MLLT10: variants seen among roughly 807,000 people sequenced by gnomAD.
The protein encoded by MLLT10 is protein AF-10.
Under a neutral mutation model 129.1 loss-of-function variants are expected in MLLT10, and 30 were observed. The ratio of observed to expected loss-of-function variants is 0.23; its 90% CI spans 0.17 to 0.32. The LOEUF is 0.32. Ranked by LOEUF, MLLT10 falls within the 10% of genes least tolerant of loss-of-function variation. The probability of loss-of-function intolerance (pLI) is 1.00; values close to 1 mark genes in which losing one functional copy is unlikely to be tolerated. For synonymous variants in MLLT10, 490 were observed against 446.4 expected, an observed-to-expected ratio of 1.10 and a Z score of -1.23; for missense variants, 1,119 against 1,268.3, an observed-to-expected ratio of 0.88 and a Z score of 1.79.
At chr10:21,595,695 C>T in intron 5 of MLLT10, 1 of 329,000 alleles carries the variant, frequency 3.0e-6, no homozygotes, top group Non-Finnish European at 5.5e-6. Context: ...ATATTTTAAT[C>T]CTTACAGATT....
chr10:21,617,586 A>C (rs1384406549), intron 8 of MLLT10, among the ~76,000 whole-genome samples: 1 of 151,878 alleles, frequency 6.6e-6, no homozygotes, highest in Admixed American at 6.6e-5. Context: ...ACAATTTTGA[A>C]GTTCTATATA....
intron 3 of MLLT10, among the ~76,000 whole-genome samples, chr10:21,567,051 G>T (rs138866596): frequency 6.6e-6 from 1 of 152,126 alleles, no homozygotes; most frequent in Admixed American, 6.5e-5. Flanking sequence ...GACTTGAGGT[G>T]ATCCACCCAC....
At chr10:21,643,944 A>G (rs2048249942) in intron 8 of MLLT10, among the ~76,000 whole-genome samples, 1 of 152,110 alleles carries the variant, frequency 6.6e-6, no homozygotes, top group African/African-American at 2.4e-5. Context: ...ATCTTTTTTA[A>G]AATTTGCATT....
intron 4 of MLLT10, among the ~76,000 whole-genome samples, chr10:21,589,701 A>C (rs971085699): frequency 2.0e-5 from 3 of 152,108 alleles, no homozygotes; most frequent in Admixed American, 1.3e-4. Flanking sequence ...TTCTTTAAGA[A>C]TTATAGTGGT....
At chr10:21,646,540 C>G (rs1224370046) in intron 8 of MLLT10, among the ~76,000 whole-genome samples, 1 of 150,754 alleles carries the variant, frequency 6.6e-6, no homozygotes, top group Non-Finnish European at 1.5e-5. Flanking sequence ...CTACCTTGTG[C>G]TTGTTTAAGC....
chr10:21,737,244 GA>G (rs1402369406), intron 21 of MLLT10, among the ~76,000 whole-genome samples: 1 of 152,126 alleles, frequency 6.6e-6, no homozygotes, highest in African/African-American at 2.4e-5. Flanking sequence ...TGGGTGTGAT[GA>G]AAGTAAAAAC....
chr10:21,678,650 A>G (rs1449670130), intron 11 of MLLT10, among the ~76,000 whole-genome samples: 1 of 152,238 alleles, frequency 6.6e-6, no homozygotes, highest in Non-Finnish European at 1.5e-5. Flanking sequence ...GATTAATGCC[A>G]GACTGAAGAA....
intron 8 of MLLT10, among the ~76,000 whole-genome samples, chr10:21,624,341 C>T (rs1257812276): frequency 2.0e-5 from 3 of 152,010 alleles, no homozygotes; most frequent in African/African-American, 7.3e-5. Context: ...TAAAATGAAG[C>T]CCGAAATGAT....
At chr10:21,676,849 T>C (rs564970377) in intron 11 of MLLT10, among the ~76,000 whole-genome samples, 25 of 152,176 alleles carry the variant, frequency 1.6e-4, no homozygotes, top group Middle Eastern at 6.8e-3. Context: ...GTTTTATGTA[T>C]GTTAATAAAC....
chr10:21,660,911 C>T (rs948784566), intron 9 of MLLT10, among the ~76,000 whole-genome samples: 14 of 147,286 alleles, frequency 9.5e-5, no homozygotes, highest in Non-Finnish European at 1.0e-4. Flanking sequence ...GTTCTTCTAT[C>T]TTCTTTTCTA....
intron 3 of MLLT10, among the ~76,000 whole-genome samples, chr10:21,573,373 T>G (rs1430291397): frequency 6.6e-6 from 1 of 152,154 alleles, no homozygotes; most frequent in Non-Finnish European, 1.5e-5. Flanking sequence ...AGATAGTTTG[T>G]TATAGTCACA....
chr10:21,668,044 A>G (rs544726328), intron 9 of MLLT10, among the ~76,000 whole-genome samples: 76 of 152,258 alleles, frequency 5.0e-4, no homozygotes, highest in Non-Finnish European at 9.0e-4. Context: ...CCAAATATCT[A>G]GTTTTATCTC....
At chr10:21,540,352 T>C (rs1031431365) in intron 3 of MLLT10, among the ~76,000 whole-genome samples, 11 of 151,220 alleles carry the variant, frequency 7.3e-5, no homozygotes, top group African/African-American at 2.7e-4. Flanking sequence ...ATTGTGCCAC[T>C]GCACTCCAGC....
chr10:21,544,868 G>A (rs954524242), intron 3 of MLLT10, among the ~76,000 whole-genome samples: 1 of 152,168 alleles, frequency 6.6e-6, no homozygotes, highest in Non-Finnish European at 1.5e-5. Context: ...ATTGGAGGCC[G>A]GGCGCTGTGT....
chr10:21,734,139 T>A lies in MLLT10; in HGVS notation c.2858+10T>A, dbSNP rs1281676544. The A allele has an allele frequency of 1.3e-6, 2 of 1,580,340 alleles. No individual in the cohort carries two copies. Among genetic ancestry groups the A allele is most frequent in the Non-Finnish European group, 1.7e-6 (2 of 1,162,374 alleles). On this transcript the variant is annotated intron_variant, in intron 20 of 22. Coordinates refer to ENST00000307729, the MANE Select transcript of MLLT10 (RefSeq NM_001195626.3). Reference sequence around the variant, plus strand: ...CTACACTGACTAACAGGTAAGAAACTTAAGTATGTTTTGGGTTTTTTAGTA... The same window carrying A: ...CTACACTGACTAACAGGTAAGAAACATAAGTATGTTTTGGGTTTTTTAGTA...
chr10:21,582,529 T>C (rs1282206885), intron 3 of MLLT10, among the ~76,000 whole-genome samples: 1 of 152,208 alleles, frequency 6.6e-6, no homozygotes, highest in Non-Finnish European at 1.5e-5. Context: ...TCAGTACCAT[T>C]TGTTGTTTCA....
At chr10:21,667,988 A>C (rs1293132166) in intron 9 of MLLT10, among the ~76,000 whole-genome samples, 2 of 152,170 alleles carry the variant, frequency 1.3e-5, no homozygotes, top group African/African-American at 2.4e-5. Flanking sequence ...CCCGTAAATC[A>C]CAATGTAGAA....
chr10:21,727,786 C>T (rs574104654), intron 15 of MLLT10, 70 bp from the exon 16 acceptor site: 3 of 1,208,146 alleles, frequency 2.5e-6, no homozygotes, highest in Non-Finnish European at 3.6e-6. Context: ...TAGGAAAAAT[C>T]AGGGCAAGAG....
intron 10 of MLLT10, among the ~76,000 whole-genome samples, chr10:21,672,478 A>G (rs1024341130): frequency 2.0e-5 from 3 of 152,010 alleles, no homozygotes; most frequent in Non-Finnish European, 4.4e-5. Flanking sequence ...GCTAATTTTT[A>G]TATTTTCAGT....
Sources: allele counts gnomAD v4.1 joint callset (sites outside exome capture counted in the v4.1 genomes callset), GRCh38; gene constraint gnomAD v4.1.1; transcripts MANE v1.5; gene names NCBI Gene and HGNC (gene_info 2026-07-23, HGNC 2026-07-21).